Variants in UVRAG observed in about 807,000 individuals in gnomAD.
UVRAG encodes UV radiation resistance-associated gene protein.
Under a neutral mutation model 78.0 loss-of-function variants are expected in UVRAG, and 19 were observed. That is an observed-to-expected ratio of 0.24 (90% CI 0.17 to 0.36). The LOEUF is 0.36. Ranked by LOEUF, UVRAG falls within the 10% of genes least tolerant of loss-of-function variation. The probability of loss-of-function intolerance (pLI) is 1.00; values close to 1 mark genes in which losing one functional copy is unlikely to be tolerated. For missense variants in UVRAG, 740 were observed against 853.8 expected, an observed-to-expected ratio of 0.87 and a Z score of 1.66; for synonymous variants, 323 against 324.6, an observed-to-expected ratio of 1.00 and a Z score of 0.05.
intron 12 of UVRAG, among the ~76,000 whole-genome samples, chr11:76,060,927 C>T (rs1261134221): frequency 6.6e-6 from 1 of 152,264 alleles, no homozygotes; most frequent in African/African-American, 2.4e-5. Flanking sequence ...TGCCATCGAA[C>T]ACCCAAGGGC....
intron 6 of UVRAG, among the ~76,000 whole-genome samples, chr11:75,949,340 T>G (rs993087358): frequency 2.0e-5 from 3 of 152,132 alleles, no homozygotes; most frequent in African/African-American, 7.2e-5. Context: ...TTGATATTCC[T>G]CTGGATTCTG....
At chr11:76,061,309 T>C (rs758528149) in intron 12 of UVRAG, among the ~76,000 whole-genome samples, 2 of 152,100 alleles carry the variant, frequency 1.3e-5, no homozygotes, top group Non-Finnish European at 2.9e-5. Flanking sequence ...CAGCGCCCTG[T>C]CAAAGCAGAC....
At chr11:75,922,070 A>G (rs1263650417) in intron 6 of UVRAG, among the ~76,000 whole-genome samples, 1 of 152,092 alleles carries the variant, frequency 6.6e-6, no homozygotes, top group Non-Finnish European at 1.5e-5. Flanking sequence ...ATTTTATCCT[A>G]CTTTAAAAGA....
At chr11:75,951,298 TATGA>T (rs1342679523) in intron 6 of UVRAG, among the ~76,000 whole-genome samples, 1 of 151,956 alleles carries the variant, frequency 6.6e-6, no homozygotes, top group Non-Finnish European at 1.5e-5. Context: ...ATTGAGTATG[TATGA>T]ATGATTCTTT....
At chr11:76,137,949 A>ACCTTTTAC (rs1329016932) in intron 14 of UVRAG, among the ~76,000 whole-genome samples, 1 of 152,000 alleles carries the variant, frequency 6.6e-6, no homozygotes, top group East Asian at 1.9e-4. Context: ...AAGAGAGAGA[A>ACCTTTTAC]CCTTTTACTG....
intron 4 of UVRAG, among the ~76,000 whole-genome samples, chr11:75,888,034 G>T (rs1947129708): frequency 6.6e-6 from 1 of 152,230 alleles, no homozygotes; most frequent in Non-Finnish European, 1.5e-5. Context: ...AGAGTGGTTT[G>T]CAGACATTTA....
intron 6 of UVRAG, among the ~76,000 whole-genome samples, chr11:75,953,277 T>C (rs1948738141): frequency 6.6e-6 from 1 of 152,214 alleles, no homozygotes; most frequent in South Asian, 2.1e-4. Context: ...CTCTTTTCTC[T>C]GTGTGCCATT....
At position 75,888,920 on chromosome 11, in the gene UVRAG, A is replaced by C. The variant is rs1344485602; in HGVS notation, c.507+17A>C. On this transcript the variant is annotated intron_variant, in intron 5 of 14. Transcript: ENST00000356136. ...GAACATAAGGTAAGAAGATCCTTCT[A>C]ATGTTATGAATTTTGTTTAGTGCAG... The C allele has an allele frequency of 6.2e-7, 1 of 1,606,986 alleles. No individual in the cohort carries two copies. Among genetic ancestry groups the C allele is most frequent in the Non-Finnish European group, 8.5e-7 (1 of 1,175,552 alleles).
chr11:75,951,325 A>G (rs947742715), intron 6 of UVRAG, among the ~76,000 whole-genome samples: 2 of 149,484 alleles, frequency 1.3e-5, no homozygotes, highest in East Asian at 2.0e-4. Flanking sequence ...ATAATCTGAA[A>G]TGTGTGTGTG....
chr11:76,081,024 G>T (rs1157981423), intron 13 of UVRAG, among the ~76,000 whole-genome samples: 1 of 152,162 alleles, frequency 6.6e-6, no homozygotes, highest in Non-Finnish European at 1.5e-5. Context: ...AAACATTTCT[G>T]TGTCTGTCCC....
At chr11:76,068,840 T>A (rs979956803) in intron 13 of UVRAG, among the ~76,000 whole-genome samples, 1 of 152,248 alleles carries the variant, frequency 6.6e-6, no homozygotes, top group African/African-American at 2.4e-5. Flanking sequence ...ACATATAGAC[T>A]AATATATGTT....
chr11:75,848,853 T>G (rs1213588362), intron 1 of UVRAG, among the ~76,000 whole-genome samples: 2 of 152,232 alleles, frequency 1.3e-5, no homozygotes, highest in Admixed American at 6.5e-5. Context: ...TGTCATTTAT[T>G]ATTTTCTTTG....
At chr11:75,924,277 A>G (rs1414525289) in intron 6 of UVRAG, among the ~76,000 whole-genome samples, 1 of 152,114 alleles carries the variant, frequency 6.6e-6, no homozygotes, top group Non-Finnish European at 1.5e-5. Context: ...AACCTTGGAT[A>G]TGTTTTGCCA....
Position 76,087,295 on chromosome 11 carries a change from T to C in UVRAG, c.1305+21507T>C, listed in dbSNP as rs111897174. Among the ~76,000 whole-genome samples, 1,043 of 152,348 alleles carry C rather than the reference T, an allele frequency of 6.8e-3. 17 individuals are homozygous for C. Among genetic ancestry groups the C allele is most frequent in the African/African-American group, 0.024 (998 of 41,568 alleles). ...TTACAATTACAGATATGAGTTGCCA[T>C]GTTCTAAAATTGACCGGTGAGCAGT... On this transcript the variant is annotated intron_variant, in intron 13 of 14. Coordinates refer to ENST00000356136, the MANE Select transcript of UVRAG (RefSeq NM_003369.4).
At chr11:76,111,038 G>A (rs2134458742) in intron 13 of UVRAG, among the ~76,000 whole-genome samples, 1 of 152,082 alleles carries the variant, frequency 6.6e-6, no homozygotes, top group South Asian at 2.1e-4. Flanking sequence ...ATTTTTAGTA[G>A]AGATGAGGTC....
intron 1 of UVRAG, among the ~76,000 whole-genome samples, chr11:75,833,399 G>A (rs1039547538): frequency 6.6e-6 from 1 of 152,088 alleles, no homozygotes; most frequent in Non-Finnish European, 1.5e-5. Context: ...TGTAGATAAG[G>A]ATATATAATT....
chr11:75,815,289 A>G lies in UVRAG; in HGVS notation c.-119A>G. The G allele has an allele frequency of 3.9e-6, 2 of 506,344 alleles. No homozygotes were observed. Among genetic ancestry groups the G allele is most frequent in the South Asian group, 5.4e-5 (1 of 18,598 alleles). The allele number at this position is 506,344 out of a possible 1,614,324, so 31.4% of individuals were successfully genotyped here. The stretch of plus-strand genomic sequence containing the variant: ...GCGGCGGCTACTGTCTGGGCTGAGC[A>G]GTAGTGCCTCTCGGGTGGCGGGTTT... On this transcript the variant is annotated 5_prime_UTR_variant, in exon 1 of 15. Transcript: ENST00000356136.
chr11:75,927,383 G>A (rs1490759069), intron 6 of UVRAG, among the ~76,000 whole-genome samples: 1 of 152,028 alleles, frequency 6.6e-6, no homozygotes, highest in Non-Finnish European at 1.5e-5. Context: ...ATGTAATTTG[G>A]AAGTGAAAAA....
chr11:75,993,759 T>C (rs889350434), intron 8 of UVRAG, among the ~76,000 whole-genome samples: 1 of 152,158 alleles, frequency 6.6e-6, no homozygotes, highest in Non-Finnish European at 1.5e-5. Context: ...GTAATTTATA[T>C]AGAAAAGAAG....
Sources: gnomAD v4.1 joint callset for allele counts (sites outside exome capture counted in the v4.1 genomes callset) on GRCh38, gnomAD v4.1.1 for gene constraint, MANE v1.5 for transcripts, NCBI Gene and HGNC (gene_info 2026-07-23, HGNC 2026-07-21) for gene names.